UTS2B: variants seen among roughly 807,000 people sequenced by gnomAD.
The protein encoded by UTS2B is urotensin 2B.
A neutral mutation model predicts 19.2 loss-of-function variants in UTS2B; 21 were observed. That is an observed-to-expected ratio of 1.09 (90% confidence interval 0.78 to 1.58). The LOEUF is 1.58. UTS2B is among the 40% of genes most tolerant of loss of function. UTS2B has a pLI of 0.00. For missense variants in UTS2B, 138 were observed against 130.3 expected (o/e 1.06, Z -0.29); for synonymous variants, 57 against 50.2 (o/e 1.14, Z -0.58).
At chr3:191,282,384 T>G in intron 4 of UTS2B, 71 bp from the exon 5 acceptor site, 2 of 509,866 alleles carry the variant, frequency 3.9e-6, no homozygotes, top group Non-Finnish European at 7.0e-6. Flanking sequence ...TTAACATGAT[T>G]CACTACTTGG....
chr3:191,272,228 T>C (rs1716112095), intron 8 of UTS2B, among the ~76,000 whole-genome samples: 1 of 152,210 alleles, frequency 6.6e-6, no homozygotes, highest in Non-Finnish European at 1.5e-5. Context: ...TACAGTTTGA[T>C]AACGTGAAGT....
At chr3:191,313,243 C>T (rs916071790) in intron 3 of UTS2B, among the ~76,000 whole-genome samples, 11 of 152,140 alleles carry the variant, frequency 7.2e-5, no homozygotes, top group Admixed American at 3.3e-4. Flanking sequence ...GATCCACCCA[C>T]CTCGGCCTCC....
At chr3:191,343,614 T>A in the UTS2B span, among the ~76,000 whole-genome samples, 1 of 152,224 alleles carries the variant, frequency 6.6e-6, no homozygotes, top group Non-Finnish European at 1.5e-5. Flanking sequence ...TCCTGAATTG[T>A]TCTAAAGTAA....
intron 4 of UTS2B, among the ~76,000 whole-genome samples, chr3:191,302,968 C>G (rs1160214426): frequency 6.6e-6 from 1 of 152,176 alleles, no homozygotes; most frequent in Non-Finnish European, 1.5e-5. Flanking sequence ...TGAGGCCCCT[C>G]CTTACAATAA....
At chr3:191,304,424 T>A (rs1400850119) in intron 4 of UTS2B, 68 bp downstream of exon 4, 7 of 152,234 alleles carry the variant, frequency 4.6e-5, no homozygotes, top group African/African-American at 1.7e-4. Flanking sequence ...GTTGCCCACG[T>A]TGGTAACTAG....
At chr3:191,341,501 C>G in the UTS2B span, among the ~76,000 whole-genome samples, 1 of 152,126 alleles carries the variant, frequency 6.6e-6, no homozygotes, top group African/African-American at 2.4e-5. Flanking sequence ...TAAAAAAATT[C>G]AAAACAGATC....
At chr3:191,329,272 G>A (rs2108621279) in intron 1 of UTS2B, 1 of 188,032 alleles carries the variant, frequency 5.3e-6, no homozygotes, top group East Asian at 1.6e-4. Context: ...GCGGCAGCGG[G>A]CGCTGATCTT....
At chr3:191,320,251 T>C (rs753414579) in intron 2 of UTS2B, among the ~76,000 whole-genome samples, 11 of 152,108 alleles carry the variant, frequency 7.2e-5, no homozygotes, top group Non-Finnish European at 1.5e-4. Context: ...TGAATAAAAT[T>C]GGAGGAGTAA....
chr3:191,323,145 T>TTTTATTTTATGTTATTTTATTTTA (rs1553835422), intron 2 of UTS2B, among the ~76,000 whole-genome samples: 1 of 148,770 alleles, frequency 6.7e-6, no homozygotes, highest in African/African-American at 2.5e-5. Context: ...TTTTATTTTA[T>TTTTATTTTATGTTATTTTATTTTA]TTTATTTATT....
At chr3:191,294,986 G>A (rs754941232) in intron 4 of UTS2B, among the ~76,000 whole-genome samples, 2 of 151,774 alleles carry the variant, frequency 1.3e-5, no homozygotes, top group African/African-American at 4.9e-5. Flanking sequence ...AGCTGAGATC[G>A]CGCCACTGCA....
chr3:191,324,622 C>G (rs948599108), intron 2 of UTS2B, among the ~76,000 whole-genome samples: 6 of 152,208 alleles, frequency 3.9e-5, no homozygotes, highest in African/African-American at 1.4e-4. Flanking sequence ...TTGCCTTCTG[C>G]CATGATTGTG....
intron 8 of UTS2B, chr3:191,273,479 T>C (rs1576912380): frequency 2.2e-6 from 1 of 456,692 alleles, no homozygotes; most frequent in South Asian, 1.5e-5. Flanking sequence ...ACTGAGGCAA[T>C]TGAAAGCTGG....
chr3:191,289,408 C>CAATAAATA (rs373034429), intron 4 of UTS2B, among the ~76,000 whole-genome samples: 13,511 of 139,168 alleles, frequency 0.097, 1,559 homozygotes, highest in African/African-American at 0.27. Flanking sequence ...GACTCCATCT[C>CAATAAATA]AATAAATAAA....
chr3:191,269,770 T>TA (rs1716036594), intron 8 of UTS2B, among the ~76,000 whole-genome samples: 1 of 152,224 alleles, frequency 6.6e-6, no homozygotes, highest in Non-Finnish European at 1.5e-5. Flanking sequence ...AATATAAACT[T>TA]ACACTTAGCC....
chr3:191,327,075 A>G (rs979714343), intron 2 of UTS2B, among the ~76,000 whole-genome samples: 5 of 152,246 alleles, frequency 3.3e-5, no homozygotes, highest in Admixed American at 6.5e-5. Flanking sequence ...TTTTAAGCAT[A>G]TCTTACTTTT....
intron 2 of UTS2B, among the ~76,000 whole-genome samples, chr3:191,327,604 A>G (rs1266822286): frequency 6.6e-6 from 1 of 152,216 alleles, no homozygotes; most frequent in Non-Finnish European, 1.5e-5. Context: ...ATTTTGGGTT[A>G]AAGGAAAGAA....
intron 4 of UTS2B, among the ~76,000 whole-genome samples, chr3:191,292,221 T>C (rs1477781401): frequency 6.6e-6 from 1 of 152,178 alleles, no homozygotes. Flanking sequence ...AAAAATGTTA[T>C]GCCTGGATCT....
chr3:191,298,324 A>C (rs1716909163), intron 4 of UTS2B, among the ~76,000 whole-genome samples: 1 of 152,102 alleles, frequency 6.6e-6, no homozygotes, highest in Admixed American at 6.5e-5. Flanking sequence ...CCAATATTGG[A>C]AGTGGATTCT....
intron 3 of UTS2B, among the ~76,000 whole-genome samples, chr3:191,310,136 T>C (rs1170552276): frequency 6.6e-6 from 1 of 152,024 alleles, no homozygotes; most frequent in African/African-American, 2.4e-5. Flanking sequence ...CTATTTTTTT[T>C]TGTATTTTTG....
Sources: allele counts gnomAD v4.1 joint callset (sites outside exome capture counted in the v4.1 genomes callset), GRCh38; gene constraint gnomAD v4.1.1; transcripts MANE v1.5; gene names NCBI Gene and HGNC (gene_info 2026-07-23, HGNC 2026-07-21).